SGCD: variants seen among roughly 807,000 people sequenced by gnomAD.
SGCD encodes the protein sarcoglycan delta.
In SGCD, 18 loss-of-function variants were observed where a neutral mutation model predicts 36.6. That is an observed-to-expected ratio of 0.49 (90% CI 0.34 to 0.73). The LOEUF is 0.73. SGCD is among the 30% of genes least tolerant of loss of function. The pLI, the probability that SGCD is intolerant of heterozygous loss-of-function variation, is 0.01. For missense variants in SGCD, 387 were observed against 346.7 expected, an observed-to-expected ratio of 1.12 and a Z score of -0.92; for synonymous variants, 133 against 130.6, an observed-to-expected ratio of 1.02 and a Z score of -0.12.
At chr5:156,725,151 G>A (rs773042433) in intron 7 of SGCD, among the ~76,000 whole-genome samples, 1 of 152,164 alleles carries the variant, frequency 6.6e-6, no homozygotes, top group South Asian at 2.1e-4. Context: ...TGTCTAAGAT[G>A]AAACACAGTC....
At chr5:156,363,269 T>C (rs35150670) in intron 3 of SGCD, among the ~76,000 whole-genome samples, 9,921 of 152,258 alleles carry the variant, frequency 0.065, 549 homozygotes, top group Admixed American at 0.14. Flanking sequence ...TTTCTAGCCT[T>C]CCATGGTAAC....
chr5:156,290,796 A>G (rs902986232), intron 3 of SGCD, among the ~76,000 whole-genome samples: 4 of 152,176 alleles, frequency 2.6e-5, no homozygotes, highest in African/African-American at 9.6e-5. Context: ...ATGGAAAAGA[A>G]TTTAAGTAAA....
the SGCD span, among the ~76,000 whole-genome samples, chr5:155,747,655 C>G: frequency 3.9e-5 from 6 of 152,176 alleles, no homozygotes; most frequent in African/African-American, 1.4e-4. Flanking sequence ...GCTCCACAGT[C>G]TTCTTTCAAC....
intron 7 of SGCD, among the ~76,000 whole-genome samples, chr5:156,712,986 C>T (rs1755061200): frequency 6.6e-6 from 1 of 152,104 alleles, no homozygotes; most frequent in African/African-American, 2.4e-5. Context: ...ACAAATGCTT[C>T]CCACATGGTA....
At chr5:156,651,086 A>G (rs1051908898) in intron 7 of SGCD, among the ~76,000 whole-genome samples, 25 of 151,968 alleles carry the variant, frequency 1.6e-4, no homozygotes, top group African/African-American at 5.8e-4. Flanking sequence ...TTTTTTGGCC[A>G]TGTGTATGCC....
At chr5:156,102,445 T>C (rs906292816) in intron 1 of SGCD, among the ~76,000 whole-genome samples, 17 of 152,294 alleles carry the variant, frequency 1.1e-4, no homozygotes, top group Admixed American at 1.0e-3. Flanking sequence ...TTTTTCAATA[T>C]TTCTGAAAAA....
At chr5:155,756,240 A>G in the SGCD span, among the ~76,000 whole-genome samples, 2 of 152,226 alleles carry the variant, frequency 1.3e-5, no homozygotes, top group Non-Finnish European at 2.9e-5. Flanking sequence ...TCAGTGGGTT[A>G]AGGAACTATT....
the SGCD span, among the ~76,000 whole-genome samples, chr5:155,762,102 G>A: frequency 2.0e-4 from 30 of 152,264 alleles, no homozygotes; most frequent in African/African-American, 6.5e-4. Context: ...TGCTGCTTCT[G>A]TTTGACTCTG....
intron 1 of SGCD, among the ~76,000 whole-genome samples, chr5:155,987,809 A>T (rs1387309569): frequency 4.6e-5 from 7 of 152,078 alleles, no homozygotes; most frequent in Non-Finnish European, 8.8e-5. Context: ...CTCTCTCCAG[A>T]TGGCCTTCTG....
rs149869486 is a variant in SGCD at position 156,733,292 on chromosome 5, A to G, written c.576-24289A>G. Among the ~76,000 whole-genome samples, 1,031 of 151,988 alleles carry G rather than the reference A, an allele frequency of 6.8e-3. 5 individuals are homozygous for G. Among genetic ancestry groups the G allele is most frequent in the Non-Finnish European group, 0.012 (786 of 67,954 alleles). The stretch of plus-strand genomic sequence containing the variant: ...AAAGAACTTATTGATTTTTGCCTTA[A>G]TTTCATTATTTACCCAAGAGTCATT... On this transcript the variant is annotated intron_variant, in intron 7 of 8. Coordinates refer to ENST00000337851, the MANE Select transcript of SGCD (RefSeq NM_000337.6).
At chr5:156,628,649 A>C (rs959013080) in intron 6 of SGCD, among the ~76,000 whole-genome samples, 3 of 152,238 alleles carry the variant, frequency 2.0e-5, no homozygotes, top group Non-Finnish European at 2.9e-5. Flanking sequence ...AAGCATCATC[A>C]TGCCAGTTTT....
chr5:156,191,576 T>G (rs1329751235), intron 3 of SGCD, among the ~76,000 whole-genome samples: 1 of 152,154 alleles, frequency 6.6e-6, no homozygotes, highest in East Asian at 1.9e-4. Flanking sequence ...TTGCTAGGGT[T>G]TCCTTCCCCC....
At chr5:156,516,171 G>A (rs1757149738) in intron 4 of SGCD, among the ~76,000 whole-genome samples, 1 of 152,242 alleles carries the variant, frequency 6.6e-6, no homozygotes, top group Non-Finnish European at 1.5e-5. Flanking sequence ...AGGGCAGCCA[G>A]AGTGCTTCAT....
chr5:156,225,641 T>G (rs1255873380), intron 3 of SGCD, among the ~76,000 whole-genome samples: 1 of 152,098 alleles, frequency 6.6e-6, no homozygotes, highest in African/African-American at 2.4e-5. Flanking sequence ...ATGCCAAGTT[T>G]GCCTGTAGTT....
intron 3 of SGCD, among the ~76,000 whole-genome samples, chr5:156,275,823 G>C (rs866394365): frequency 6.6e-6 from 1 of 152,218 alleles, no homozygotes; most frequent in Middle Eastern, 3.4e-3. Flanking sequence ...TAAGTGGCTT[G>C]ACATGTAATA....
At chr5:156,313,834 C>A (rs1381932564) in intron 3 of SGCD, among the ~76,000 whole-genome samples, 1 of 152,042 alleles carries the variant, frequency 6.6e-6, no homozygotes, top group Admixed American at 6.6e-5. Flanking sequence ...GATTTCGCTA[C>A]TAATGTGTAA....
chr5:155,837,910 G>T, the SGCD span, among the ~76,000 whole-genome samples: 1 of 151,932 alleles, frequency 6.6e-6, no homozygotes, highest in South Asian at 2.1e-4. Flanking sequence ...CCTGCTGAGC[G>T]CCAAGTTTCA....
chr5:155,773,912 G>A, the SGCD span, among the ~76,000 whole-genome samples: 1 of 152,116 alleles, frequency 6.6e-6, no homozygotes, highest in South Asian at 2.1e-4. Context: ...TGAGGGTGGT[G>A]TGAAAATGTT....
intron 3 of SGCD, among the ~76,000 whole-genome samples, chr5:156,146,108 G>A (rs923307521): frequency 6.6e-6 from 1 of 152,164 alleles, no homozygotes; most frequent in African/African-American, 2.4e-5. Flanking sequence ...AGCTACTCGG[G>A]AGGCTGAGAC....
Sources: gnomAD v4.1 joint callset for allele counts (sites outside exome capture counted in the v4.1 genomes callset) on GRCh38, gnomAD v4.1.1 for gene constraint, MANE v1.5 for transcripts, NCBI Gene and HGNC (gene_info 2026-07-23, HGNC 2026-07-21) for gene names.